ZBBX: variants seen among roughly 807,000 people sequenced by gnomAD.
The protein encoded by ZBBX is zinc finger B-box domain-containing protein 1.
In ZBBX, 101 loss-of-function variants were observed where a neutral mutation model predicts 108.5. That is an observed-to-expected ratio of 0.93 (90% CI 0.79 to 1.10). The LOEUF (loss-of-function observed/expected upper bound fraction) is 1.10. Among genes scored for constraint, ZBBX ranks in the 50% least tolerant of loss-of-function variants. The pLI, the probability that ZBBX is intolerant of heterozygous loss-of-function variation, is 0.00. For synonymous variants in ZBBX, 356 were observed against 323.4 expected (o/e 1.10, Z -1.08); for missense variants, 1,009 against 941.4 (o/e 1.07, Z -0.94).
chr3:167,368,825 T>A, intron 4 of ZBBX: 2 of 773,156 alleles, frequency 2.6e-6, no homozygotes, highest in Non-Finnish European at 3.3e-6. Flanking sequence ...AAAATTATAA[T>A]TAACTTCATA....
In ZBBX at chr3:167,298,292, G is replaced by A. The variant is rs1465562741; in HGVS notation, c.1879+13C>T. 2.5e-6 allele frequency: 4 copies of A among 1,581,686 alleles called. No individual in the cohort carries two copies. The highest frequency in any genetic ancestry group is 2.3e-5 in the East Asian group (1 of 43,770). ...AGAACAGACTGTTTTAGAAAAATGA[G>A]CTAGAAATTTACCTGCAAGTGTAAT... On this transcript the variant is annotated intron_variant, in intron 18 of 21. Transcript: ENST00000675490.
At chr3:167,309,542 C>A (rs1397217386) in intron 16 of ZBBX, among the ~76,000 whole-genome samples, 1 of 152,242 alleles carries the variant, frequency 6.6e-6, no homozygotes, top group Non-Finnish European at 1.5e-5. Flanking sequence ...ACAGGCCCAA[C>A]ACCATGTGGA....
At chr3:167,341,953 G>A (rs946055492) in intron 9 of ZBBX, among the ~76,000 whole-genome samples, 6 of 150,766 alleles carry the variant, frequency 4.0e-5, no homozygotes, top group African/African-American at 9.7e-5. Flanking sequence ...TGAACATAAC[G>A]TATATTACAG....
chr3:167,334,931 G>A (rs1739307469), intron 9 of ZBBX, among the ~76,000 whole-genome samples: 1 of 151,946 alleles, frequency 6.6e-6, no homozygotes, highest in Non-Finnish European at 1.5e-5. Flanking sequence ...TTTGTTCCTT[G>A]CTCATGAGGC....
At chr3:167,326,873 T>C (rs915888608) in intron 11 of ZBBX, among the ~76,000 whole-genome samples, 1 of 151,916 alleles carries the variant, frequency 6.6e-6, no homozygotes, top group East Asian at 1.9e-4. Flanking sequence ...GTAATAAAAG[T>C]GTAATAGTCA....
At chr3:167,294,117 T>C (rs532510375) in intron 18 of ZBBX, among the ~76,000 whole-genome samples, 75 of 152,322 alleles carry the variant, frequency 4.9e-4, no homozygotes, top group African/African-American at 1.7e-3. Context: ...ATTGTCCTAC[T>C]GCTGAAAGTA....
the ZBBX span, among the ~76,000 whole-genome samples, chr3:167,183,504 G>A: frequency 8.3e-4 from 126 of 152,336 alleles, no homozygotes; most frequent in African/African-American, 2.8e-3. Context: ...TATAGAGTGC[G>A]GAGTGGGAAT....
rs556517516 is a variant in ZBBX at position 167,398,505 on chromosome 3, G to T, written c.-446+9221C>A. On this transcript the variant is annotated intron_variant, in intron 1 of 21. Transcript: ENST00000455345. ...AATTATAGGCCTTAAATTATGATATGTATGTCCTATTAGCTAGAAAATATT... is the reference window on the plus strand; with the variant it reads ...AATTATAGGCCTTAAATTATGATATTTATGTCCTATTAGCTAGAAAATATT... 3.9e-5 allele frequency among the ~76,000 whole-genome samples: 6 copies of T among 152,054 alleles called. No individual in the cohort carries two copies. The South Asian group carries it at 1.0e-3, about 26-fold the overall frequency.
At chr3:167,232,320 TA>T in the ZBBX span, among the ~76,000 whole-genome samples, 1 of 151,786 alleles carries the variant, frequency 6.6e-6, no homozygotes. Flanking sequence ...ACTTGGAAAA[TA>T]AACCATTTAC....
At chr3:167,269,360 C>T (rs1726137243) in intron 20 of ZBBX, among the ~76,000 whole-genome samples, 1 of 152,206 alleles carries the variant, frequency 6.6e-6, no homozygotes, top group South Asian at 2.1e-4. Flanking sequence ...TTGATTGACT[C>T]ATATCCAATT....
intron 20 of ZBBX, among the ~76,000 whole-genome samples, chr3:167,246,838 C>T (rs1227123820): frequency 6.6e-6 from 1 of 152,162 alleles, no homozygotes; most frequent in African/African-American, 2.4e-5. Flanking sequence ...TTATATAAAG[C>T]TATTTGTGGA....
intron 20 of ZBBX, among the ~76,000 whole-genome samples, chr3:167,277,164 G>A (rs1727753182): frequency 6.6e-6 from 1 of 151,846 alleles, no homozygotes; most frequent in African/African-American, 2.4e-5. Flanking sequence ...AGACCATCGA[G>A]ACTAGGAAGA....
intron 20 of ZBBX, among the ~76,000 whole-genome samples, chr3:167,256,396 A>T (rs1317175934): frequency 1.3e-5 from 2 of 152,132 alleles, no homozygotes; most frequent in Non-Finnish European, 2.9e-5. Context: ...AATGTGAAAT[A>T]AGCACATCAT....
At chr3:167,394,931 T>C (rs906155401) in intron 1 of ZBBX, among the ~76,000 whole-genome samples, 1 of 152,028 alleles carries the variant, frequency 6.6e-6, no homozygotes, top group Non-Finnish European at 1.5e-5. Context: ...AAGGACAAAT[T>C]AGATGAGTAA....
At position 167,295,763 on chromosome 3, in the gene ZBBX, AAAAC is replaced by A. The variant is rs1198375357; in HGVS notation, c.1879+2538_1879+2541del. 2.9e-3 allele frequency among the ~76,000 whole-genome samples: 20 copies of A among 6,902 alleles called. 3 individuals are homozygous for A. Among genetic ancestry groups the A allele is most frequent in the African/African-American group, 5.8e-3 (7 of 1,216 alleles). The allele number at this position is 6,902 out of a possible 152,430, so 4.5% of individuals were successfully genotyped here. On this transcript the variant is annotated intron_variant, in intron 18 of 21. Transcript: ENST00000675490. ...TATATATATATATATATATATAAAA[AAAAC>A]TAGTAAGGAGATTAAATCTGTTAAC...
chr3:167,387,712 G>T (rs924594686), intron 1 of ZBBX, among the ~76,000 whole-genome samples: 2 of 152,036 alleles, frequency 1.3e-5, no homozygotes. Context: ...CATCGCTGTT[G>T]TATAGGAGAT....
chr3:167,254,115 T>C (rs1162982800), intron 20 of ZBBX, among the ~76,000 whole-genome samples: 3 of 152,170 alleles, frequency 2.0e-5, no homozygotes, highest in Non-Finnish European at 2.9e-5. Context: ...TATCTTGTAA[T>C]GTGAGCTTCC....
At chr3:167,197,592 T>C in the ZBBX span, among the ~76,000 whole-genome samples, 1 of 152,126 alleles carries the variant, frequency 6.6e-6, no homozygotes, top group African/African-American at 2.4e-5. Context: ...CACTTCAGTA[T>C]ATTAAATTAC....
intron 17 of ZBBX, among the ~76,000 whole-genome samples, chr3:167,302,334 G>A (rs1435182356): frequency 6.6e-6 from 1 of 151,960 alleles, no homozygotes; most frequent in Non-Finnish European, 1.5e-5. Context: ...ATATATCTGA[G>A]GCTATATTGA....
Sources: allele counts gnomAD v4.1 joint callset (sites outside exome capture counted in the v4.1 genomes callset), GRCh38; gene constraint gnomAD v4.1.1; transcripts MANE v1.5; gene names NCBI Gene and HGNC (gene_info 2026-07-23, HGNC 2026-07-21).